The following ABCD2 variants were observed in gnomAD, a reference collection of about 807,000 sequenced individuals.
ABCD2 encodes ATP-binding cassette sub-family D member 2.
A neutral mutation model predicts 70.9 loss-of-function variants in ABCD2; 36 were observed. That is an observed-to-expected ratio of 0.51 (90% confidence interval 0.39 to 0.67). ABCD2 has a LOEUF of 0.67. ABCD2 is among the 30% of genes least tolerant of loss of function. The pLI is 0.00. For synonymous variants in ABCD2, 304 were observed against 306.9 expected, an observed-to-expected ratio of 0.99 and a Z score of 0.10; for missense variants, 729 against 890.2, an observed-to-expected ratio of 0.82 and a Z score of 2.30.
chr12:39,564,658 CT>C (rs1941315403), intron 9 of ABCD2, among the ~76,000 whole-genome samples: 1 of 152,104 alleles, frequency 6.6e-6, no homozygotes, highest in Non-Finnish European at 1.5e-5. Context: ...TCAATTTTGG[CT>C]TTTGTTGCCA....
At chr12:39,589,117 T>C (rs1941707378) in intron 6 of ABCD2, among the ~76,000 whole-genome samples, 6 of 151,992 alleles carry the variant, frequency 3.9e-5, no homozygotes, top group Admixed American at 2.6e-4. Flanking sequence ...AAATACAAGG[T>C]GTATATTGTG....
At chr12:39,537,138 C>T in the ABCD2 span, among the ~76,000 whole-genome samples, 1 of 152,114 alleles carries the variant, frequency 6.6e-6, no homozygotes, top group African/African-American at 2.4e-5. Flanking sequence ...ATTTCCTAGA[C>T]CCCCTCCGCA....
chr12:39,588,292 C>A (rs541692780), intron 6 of ABCD2, among the ~76,000 whole-genome samples: 22 of 151,976 alleles, frequency 1.4e-4, no homozygotes, highest in Non-Finnish European at 5.9e-5. Context: ...TTAATCCAGA[C>A]CCCCCCATAT....
chr12:39,540,850 G>A, the ABCD2 span, among the ~76,000 whole-genome samples: 8 of 152,310 alleles, frequency 5.3e-5, no homozygotes, highest in African/African-American at 1.9e-4. Flanking sequence ...TTTCTTAAAT[G>A]TACTTGATTG....
At chr12:39,556,357 A>G (rs1371042645) in intron 9 of ABCD2, among the ~76,000 whole-genome samples, 1 of 152,214 alleles carries the variant, frequency 6.6e-6, no homozygotes, top group Non-Finnish European at 1.5e-5. Flanking sequence ...GTGTCAAGGA[A>G]GAGACAAGGC....
chr12:39,573,722 G>C lies in ABCD2; in HGVS notation c.1997C>G (p.Ser666Cys). 1 of 1,604,460 alleles carries C rather than the reference G, an allele frequency of 6.2e-7. No homozygotes were observed. Among genetic ancestry groups the C allele is most frequent in the Non-Finnish European group, 8.5e-7 (1 of 1,176,028 alleles). Residue 666 changes from serine (S) to cysteine (C), a missense_variant, in exon 9 of 10, where the codon TCT becomes TGT. This residue lies in a region of ABCD2 where 289 missense variants were observed against 328.8 expected (regional missense o/e 0.88). Coordinates refer to ENST00000308666, the MANE Select transcript of ABCD2 (RefSeq NM_005164.4). ...TAGCACTAGAAACACTTACCAAAGAGAAGGTCTGTGTGTTATAGACAGTAA... is the reference window on the plus strand; with the variant it reads ...TAGCACTAGAAACACTTACCAAAGACAAGGTCTGTGTGTTATAGACAGTAA... The part of the protein sequence containing the change: ...ISLLSITHRP[S>C]LWKYHTHLLQ...
intron 7 of ABCD2, among the ~76,000 whole-genome samples, chr12:39,580,990 C>T (rs1941588540): frequency 6.6e-6 from 1 of 151,908 alleles, no homozygotes; most frequent in Non-Finnish European, 1.5e-5. Context: ...TTTTGAAATC[C>T]AAAAGTTTAG....
chr12:39,601,543 G>A (rs1941897369), intron 5 of ABCD2, among the ~76,000 whole-genome samples: 1 of 151,652 alleles, frequency 6.6e-6, no homozygotes, highest in African/African-American at 2.4e-5. Flanking sequence ...TCTTATTATG[G>A]TATTTAAAGG....
chr12:39,531,868 G>A, the ABCD2 span, among the ~76,000 whole-genome samples: 9 of 152,344 alleles, frequency 5.9e-5, no homozygotes, highest in African/African-American at 2.2e-4. Context: ...GCCGCCCAGG[G>A]GCGCCTGGAT....
At chr12:39,577,896 T>TA (rs1451693432) in intron 8 of ABCD2, among the ~76,000 whole-genome samples, 1 of 152,146 alleles carries the variant, frequency 6.6e-6, no homozygotes, top group Non-Finnish European at 1.5e-5. Flanking sequence ...ATGGGGTTCT[T>TA]ACAATTTCTC....
In ABCD2 at chr12:39,550,925, C is replaced by T. The variant is rs1263303244; in HGVS notation, c.*2987G>A. ...TATTAGAATAAGATGAATCTATTGC[C>T]AAATATGAAACTATACTTGGAACCA... On this transcript the variant is annotated 3_prime_UTR_variant, in exon 10 of 10. Transcript: ENST00000308666. 1 of 151,568 alleles carries T rather than the reference C, an allele frequency of 6.6e-6. No homozygotes were observed. Among genetic ancestry groups the T allele is most frequent in the African/African-American group, 2.4e-5 (1 of 41,382 alleles). 9.4% of individuals were successfully genotyped at this position (151,568 alleles called of 1,614,324 possible). A position where few individuals can be genotyped will look rare whatever the true frequency, so the allele number is the denominator to read the frequency against.
At chr12:39,617,526 T>C (rs1942133027) in intron 1 of ABCD2, among the ~76,000 whole-genome samples, 2 of 152,134 alleles carry the variant, frequency 1.3e-5, no homozygotes, top group African/African-American at 4.8e-5. Flanking sequence ...CATATATATG[T>C]ATAGACTCCA....
At chr12:39,617,213 A>G in intron 1 of ABCD2, 45 bp from the exon 2 acceptor site, 9 of 1,314,812 alleles carry the variant, frequency 6.8e-6, no homozygotes, top group Non-Finnish European at 9.1e-6. Flanking sequence ...AAAGATATAT[A>G]CATATTATTC....
At chr12:39,557,462 C>A (rs751730305) in intron 9 of ABCD2, among the ~76,000 whole-genome samples, 2 of 152,052 alleles carry the variant, frequency 1.3e-5, no homozygotes, top group African/African-American at 2.4e-5. Context: ...TACAGCCTGG[C>A]GATGCAATGG....
At chr12:39,556,207 C>T (rs114349714) in intron 9 of ABCD2, among the ~76,000 whole-genome samples, 286 of 152,254 alleles carry the variant, frequency 1.9e-3, no homozygotes, top group African/African-American at 6.7e-3. Flanking sequence ...CAGTGACTGA[C>T]TCTAAAAAGA....
chr12:39,619,247 A>T lies in ABCD2; in HGVS notation c.369T>A (p.Tyr123Ter). The T allele has an allele frequency of 6.2e-7, 1 of 1,614,140 alleles. No homozygotes were observed. The highest frequency in any genetic ancestry group is 8.5e-7 in the Non-Finnish European group (1 of 1,180,014). Residue 123 changes from tyrosine to a stop codon, truncating the protein, a stop_gained, in exon 1 of 10, where the codon TAT becomes TAA. Transcript: ENST00000308666. LOFTEE classifies it high-confidence loss of function. ...CGATTTTTCCATCCAGACCAGCCAC[A>T]TAGATAGAAAGAAAGGTTCTTGAGA... The part of the protein sequence containing the change: ...ALISRTFLSI[Y>*]VAGLDGKIVK...
At position 39,550,098 on chromosome 12, in the gene ABCD2, T is replaced by C. The variant is rs1020835950; in HGVS notation, c.*3814A>G. 2 of 151,788 alleles carry C rather than the reference T, an allele frequency of 1.3e-5. No individual in the cohort carries two copies. The highest frequency in any genetic ancestry group is 4.8e-5 in the African/African-American group (2 of 41,438). 9.4% of individuals were successfully genotyped at this position (151,788 alleles called of 1,614,324 possible). On this transcript the variant is annotated 3_prime_UTR_variant, in exon 10 of 10. Transcript: ENST00000308666. ...CACAGTGCCTGGCATAGGTAGATAC[T>C]TATTAAATGTGTTGTATTAATAAAG... is the stretch of plus-strand genomic sequence containing the variant.
In ABCD2 at chr12:39,604,786, G is replaced by A; in HGVS notation, c.1381C>T (p.Leu461Phe). 1 of 1,605,500 alleles carries A rather than the reference G, an allele frequency of 6.2e-7. No individual in the cohort carries two copies. The highest frequency in any genetic ancestry group is 8.5e-7 in the Non-Finnish European group (1 of 1,177,128). Reference protein sequence around the residue: ...SKNGAKVELPLSDTLAIKGKV... With the variant: ...SKNGAKVELPFSDTLAIKGKV... ...CCTTTAATTGCCAATGTGTCACTGA[G>A]AGGTAATTCTACCTTAGCTCCATTC... Residue 461 changes from leucine (L) to phenylalanine (F), a missense_variant, in exon 4 of 10, where the codon CTC becomes TTC. Leu to Phe is a conservative substitution (Grantham distance 22). Coordinates refer to ENST00000308666, the MANE Select transcript of ABCD2 (RefSeq NM_005164.4).
chr12:39,533,368 C>A, the ABCD2 span, among the ~76,000 whole-genome samples: 10 of 152,134 alleles, frequency 6.6e-5, no homozygotes, highest in African/African-American at 2.4e-4. Flanking sequence ...GCAAAACAAT[C>A]CATTTCCTCA....
Sources: gnomAD v4.1 joint callset for allele counts (sites outside exome capture counted in the v4.1 genomes callset) on GRCh38, gnomAD v4.1.1 for gene constraint, gnomAD v4.1.1 regional missense constraint, MANE v1.5 for transcripts, NCBI Gene and HGNC (gene_info 2026-07-23, HGNC 2026-07-21) for gene names.